Variants in KCNB2 observed in about 807,000 individuals in gnomAD.
KCNB2 encodes the protein potassium voltage-gated channel subfamily B member 2, also known as delayed rectifier potassium channel protein.
A neutral mutation model predicts 61.5 loss-of-function variants in KCNB2; 15 were observed. The observed-to-expected ratio is 0.24, with a 90% CI of 0.16 to 0.38. KCNB2 has a LOEUF of 0.38. KCNB2 is among the 10% of genes least tolerant of loss of function. The pLI is 1.00. For missense variants in KCNB2, 828 were observed against 1,125.2 expected (o/e 0.74, Z 3.78); for synonymous variants, 457 against 446.0 (o/e 1.02, Z -0.31).
intron 2 of KCNB2, among the ~76,000 whole-genome samples, chr8:72,788,055 GT>G (rs1808871876): frequency 6.6e-6 from 1 of 152,100 alleles, no homozygotes; most frequent in African/African-American, 2.4e-5. Flanking sequence ...TACTTCTTAA[GT>G]TTGTAAAGAG....
chr8:72,736,342 T>G (rs564710815), intron 2 of KCNB2, among the ~76,000 whole-genome samples: 1 of 152,156 alleles, frequency 6.6e-6, no homozygotes, highest in East Asian at 1.9e-4. Flanking sequence ...GGACCAGAAA[T>G]ATATTATTCT....
At chr8:72,591,032 G>A (rs1332109443) in intron 2 of KCNB2, among the ~76,000 whole-genome samples, 1 of 152,022 alleles carries the variant, frequency 6.6e-6, no homozygotes, top group Non-Finnish European at 1.5e-5. Context: ...CCTTGGGAGA[G>A]GTAAAAATGA....
chr8:72,819,777 C>A (rs772135738), intron 2 of KCNB2, among the ~76,000 whole-genome samples: 1 of 152,122 alleles, frequency 6.6e-6, no homozygotes, highest in African/African-American at 2.4e-5. Context: ...TCTCTTCCCT[C>A]CCAAGTCACT....
chr8:72,789,511 G>C (rs991716029), intron 2 of KCNB2, among the ~76,000 whole-genome samples: 11 of 152,076 alleles, frequency 7.2e-5, no homozygotes, highest in African/African-American at 2.7e-4. Context: ...AAGTTGACCA[G>C]GTAGAGAAGG....
At chr8:72,791,670 T>C (rs116410168) in intron 2 of KCNB2, among the ~76,000 whole-genome samples, 2,753 of 152,290 alleles carry the variant, frequency 0.018, 98 homozygotes, top group African/African-American at 0.063. Flanking sequence ...TTCCCTTTGA[T>C]GAAGCATCTT....
chr8:72,822,147 T>G (rs1329537419), intron 2 of KCNB2, among the ~76,000 whole-genome samples: 1 of 152,256 alleles, frequency 6.6e-6, no homozygotes, highest in Non-Finnish European at 1.5e-5. Flanking sequence ...TTAAATAACC[T>G]TTCTTCAGGA....
At chr8:72,714,039 C>A (rs1177875587) in intron 2 of KCNB2, among the ~76,000 whole-genome samples, 1 of 152,086 alleles carries the variant, frequency 6.6e-6, no homozygotes, top group African/African-American at 2.4e-5. Flanking sequence ...CCGATGCAAT[C>A]AACTGGAAGA....
At chr8:72,756,293 T>G (rs757443280) in intron 2 of KCNB2, among the ~76,000 whole-genome samples, 1 of 152,110 alleles carries the variant, frequency 6.6e-6, no homozygotes, top group South Asian at 2.1e-4. Context: ...TGTCTCCCTA[T>G]ACCCTGTCCC....
At chr8:72,741,032 C>T (rs1032057014) in intron 2 of KCNB2, among the ~76,000 whole-genome samples, 2 of 152,168 alleles carry the variant, frequency 1.3e-5, no homozygotes, top group Non-Finnish European at 2.9e-5. Context: ...TACCGAAATA[C>T]TGTTGATTAC....
intron 2 of KCNB2, among the ~76,000 whole-genome samples, chr8:72,638,664 A>G (rs559534862): frequency 9.2e-5 from 14 of 152,294 alleles, no homozygotes; most frequent in African/African-American, 2.2e-4. Flanking sequence ...CCAAACCACT[A>G]TGAAATCCAG....
chr8:72,541,988 A>G (rs1337692837), intron 1 of KCNB2, among the ~76,000 whole-genome samples: 2 of 152,120 alleles, frequency 1.3e-5, no homozygotes, highest in Non-Finnish European at 2.9e-5. Flanking sequence ...CATAACATGA[A>G]TATTTCAATA....
At chr8:72,747,008 T>C (rs1206455702) in intron 2 of KCNB2, among the ~76,000 whole-genome samples, 1 of 152,028 alleles carries the variant, frequency 6.6e-6, no homozygotes, top group Non-Finnish European at 1.5e-5. Context: ...TTTAAAAGGG[T>C]ACCTGGGATT....
Position 72,901,543 on chromosome 8 carries a change from A to C in KCNB2, c.580-34392A>C, listed in dbSNP as rs554027186. On this transcript the variant is annotated intron_variant, in intron 2 of 2. Coordinates refer to ENST00000523207, the MANE Select transcript of KCNB2 (RefSeq NM_004770.3). The stretch of plus-strand genomic sequence containing the variant: ...AGTGAATACCAAAGATCACTCCACT[A>C]TAATCTATGAAGATCCTAATTTCTT... 9.9e-4 allele frequency among the ~76,000 whole-genome samples: 150 copies of C among 151,982 alleles called. 1 individual carries two copies. Among genetic ancestry groups the C allele is most frequent in the African/African-American group, 3.5e-3 (144 of 41,562 alleles).
At chr8:72,756,962 C>G (rs946958602) in intron 2 of KCNB2, among the ~76,000 whole-genome samples, 4 of 152,122 alleles carry the variant, frequency 2.6e-5, no homozygotes, top group Non-Finnish European at 5.9e-5. Context: ...TGGAGCTATC[C>G]AGGTGGCATT....
chr8:72,835,928 A>T (rs146104247), intron 2 of KCNB2, among the ~76,000 whole-genome samples: 1 of 152,314 alleles, frequency 6.6e-6, no homozygotes, highest in East Asian at 1.9e-4. Context: ...TTCCCAACAT[A>T]TGTCAGTCTT....
chr8:72,834,639 A>G (rs1454127386), intron 2 of KCNB2, among the ~76,000 whole-genome samples: 1 of 152,180 alleles, frequency 6.6e-6, no homozygotes, highest in African/African-American at 2.4e-5. Flanking sequence ...AGGCAACTTC[A>G]GTCTCCTGTT....
intron 2 of KCNB2, among the ~76,000 whole-genome samples, chr8:72,771,779 G>T (rs960402903): frequency 2.0e-5 from 3 of 152,082 alleles, no homozygotes; most frequent in African/African-American, 4.8e-5. Flanking sequence ...GAGCTGGAAA[G>T]AGCAGACCTT....
Position 72,694,166 on chromosome 8 carries a change from G to C in KCNB2, c.579+125853G>C, listed in dbSNP as rs1026404432. On this transcript the variant is annotated intron_variant, in intron 2 of 2. Transcript: ENST00000523207. ...GTACTCTAGGCCTAATTTAATTTTT[G>C]TTTATTCTTCAAAGGTTATTTCTTA... Among the ~76,000 whole-genome samples the C allele has an allele frequency of 5.3e-5, 8 of 152,218 alleles. No homozygotes were observed. In the South Asian group the frequency reaches 1.7e-3, roughly 32 times the overall value.
At chr8:72,818,579 GTAA>G (rs539205889) in intron 2 of KCNB2, among the ~76,000 whole-genome samples, 56 of 152,238 alleles carry the variant, frequency 3.7e-4, no homozygotes, top group African/African-American at 1.3e-3. Flanking sequence ...AATCTTCTAG[GTAA>G]TAATGATGTA....
Sources: allele counts gnomAD v4.1 joint callset (sites outside exome capture counted in the v4.1 genomes callset), GRCh38; gene constraint gnomAD v4.1.1; transcripts MANE v1.5; gene names NCBI Gene and HGNC (gene_info 2026-07-23, HGNC 2026-07-21).